SRL: variants seen among roughly 807,000 people sequenced by gnomAD.
SRL encodes sarcalumenin.
SRL carries 23 observed loss-of-function variants against 39.5 expected under a neutral mutation model. The observed-to-expected ratio is 0.58, with a 90% CI of 0.42 to 0.82. The LOEUF is 0.82. Ranked by LOEUF, SRL falls within the 40% of genes least tolerant of loss-of-function variation. The pLI, the probability that SRL is intolerant of heterozygous loss-of-function variation, is 0.00. For synonymous variants in SRL, 272 were observed against 237.4 expected (o/e 1.15, Z -1.34); for missense variants, 592 against 607.8 (o/e 0.97, Z 0.27).
chr16:4,240,649 T>C (rs573438040), intron 1 of SRL, among the ~76,000 whole-genome samples: 26 of 152,190 alleles, frequency 1.7e-4, no homozygotes, highest in African/African-American at 6.0e-4. Context: ...ACATTCCAGA[T>C]GACCAGTTCC....
intron 1 of SRL, among the ~76,000 whole-genome samples, chr16:4,236,904 T>C (rs934532839): frequency 2.1e-4 from 32 of 152,076 alleles, no homozygotes; most frequent in African/African-American, 7.5e-4. Flanking sequence ...CCTCCCAAAG[T>C]GCTGGAATTA....
intron 1 of SRL, among the ~76,000 whole-genome samples, chr16:4,231,084 A>G (rs11863320): frequency 0.91 from 138,910 of 152,214 alleles, 63,592 homozygotes; most frequent in East Asian, 1. Flanking sequence ...TTGGGAGGCC[A>G]AGGTAGGATC....
intron 1 of SRL, among the ~76,000 whole-genome samples, chr16:4,205,925 GAC>G (rs1197634890): frequency 6.7e-6 from 1 of 148,878 alleles, no homozygotes; most frequent in Non-Finnish European, 1.5e-5. Context: ...CAGCCTGGGT[GAC>G]AGAGTGAGAC....
intron 1 of SRL, among the ~76,000 whole-genome samples, chr16:4,216,183 A>G (rs1258054171): frequency 6.6e-6 from 1 of 152,214 alleles, no homozygotes; most frequent in Non-Finnish European, 1.5e-5. Flanking sequence ...GAAATCCCAC[A>G]ACCATCATAT....
chr16:4,200,001 C>G (rs2052205262), intron 3 of SRL, among the ~76,000 whole-genome samples: 1 of 151,934 alleles, frequency 6.6e-6, no homozygotes, highest in Non-Finnish European at 1.5e-5. Context: ...CCGGCCCCAT[C>G]TTTTTACAGA....
chr16:4,204,627 C>T lies in SRL; in HGVS notation c.69G>A (p.Thr23=), dbSNP rs369887184. 5.7e-5 allele frequency: 92 copies of T among 1,613,940 alleles called. No homozygotes were observed. The highest frequency in any genetic ancestry group is 7.1e-5 in the Non-Finnish European group (84 of 1,179,948). Residue 23 remains threonine (T), a synonymous_variant, in exon 2 of 6, where the codon ACG becomes ACA. Coordinates refer to ENST00000399609, the MANE Select transcript of SRL (RefSeq NM_001098814.2). ...ATGGGGCTTCTTCATTTGCATCCTC[C>T]GTCTCTTCTGTGGAGAGAAGCAGAC... ...SLLFSGQAEE[T]EDANEEAPLR... is the part of the protein sequence containing the mutation.
At chr16:4,208,329 A>G (rs546104716) in intron 1 of SRL, among the ~76,000 whole-genome samples, 1 of 152,230 alleles carries the variant, frequency 6.6e-6, no homozygotes, top group Admixed American at 6.5e-5. Context: ...TCAGGGAGTT[A>G]AAGGACTGAC....
intron 3 of SRL, among the ~76,000 whole-genome samples, chr16:4,200,267 T>A (rs913974848): frequency 6.6e-6 from 1 of 152,106 alleles, no homozygotes; most frequent in South Asian, 2.1e-4. Context: ...GTGGCAGGAA[T>A]CCCCAGTTAC....
intron 1 of SRL, among the ~76,000 whole-genome samples, chr16:4,229,908 G>A (rs959510855): frequency 1.6e-4 from 25 of 152,052 alleles, no homozygotes; most frequent in Non-Finnish European, 3.7e-4. Context: ...TGCGTGCTGG[G>A]GCCTCGTGCA....
intron 1 of SRL, among the ~76,000 whole-genome samples, chr16:4,211,872 T>C (rs575000216): frequency 6.6e-6 from 1 of 152,254 alleles, no homozygotes; most frequent in Admixed American, 6.5e-5. Context: ...ACGATGGTGA[T>C]GATGGTGAGA....
chr16:4,192,491 T>C lies in SRL; in HGVS notation c.1084A>G (p.Ser362Gly), dbSNP rs149860087. The change falls in exon 6 of 6, where the codon AGT becomes GGT. Residue 362 changes from serine to glycine, a missense_variant. By Grantham distance (56) the Ser-to-Gly change is moderately conservative (BLOSUM62 0). Transcript: ENST00000399609. This position sits in a 1 kb window ranked among gnomAD's most constrained non-coding sequence, Gnocchi z 4.0. ...TCCTTAAAGACCAGTTCTCCATCAC[T>C]GAAGAAGGTCATTTTGTCCTTGTAA... ...QTYKDKMTFFSDGELVFKDIV... is the reference protein window; with the variant it reads ...QTYKDKMTFFGDGELVFKDIV... The C allele has an allele frequency of 6.2e-7, 1 of 1,614,214 alleles. No homozygotes were observed. Among genetic ancestry groups the C allele is most frequent in the East Asian group, 2.2e-5 (1 of 44,888 alleles).
intron 1 of SRL, among the ~76,000 whole-genome samples, chr16:4,237,556 T>C (rs758993438): frequency 6.6e-6 from 1 of 152,176 alleles, no homozygotes; most frequent in Non-Finnish European, 1.5e-5. Flanking sequence ...AGTGACCCGC[T>C]GCCCACAGAG....
chr16:4,211,823 A>C (rs1362053244), intron 1 of SRL, among the ~76,000 whole-genome samples: 1 of 151,670 alleles, frequency 6.6e-6, no homozygotes, highest in Admixed American at 6.6e-5. Flanking sequence ...GATGGCAGCA[A>C]TGGTGGTGAT....
rs551391113 is a variant in SRL at position 4,201,845 on chromosome 16, G to A, written c.259+1321C>T. On this transcript the variant is annotated intron_variant, in intron 3 of 5. Coordinates refer to ENST00000399609, the MANE Select transcript of SRL (RefSeq NM_001098814.2). ...TAATTTTTGTATTTTTAATAGAAAC[G>A]GGGTTTCACCATGTTGGCTGGGCTG... Among the ~76,000 whole-genome samples the A allele has an allele frequency of 3.1e-4, 29 of 93,032 alleles. 4 individuals are homozygous for A. Among genetic ancestry groups the A allele is most frequent in the African/African-American group, 1.4e-3 (23 of 16,492 alleles). 61.0% of individuals were successfully genotyped at this position (93,032 alleles called of 152,430 possible).
intron 2 of SRL, among the ~76,000 whole-genome samples, chr16:4,204,084 C>T (rs1223364981): frequency 2.0e-5 from 3 of 152,224 alleles, no homozygotes; most frequent in African/African-American, 4.8e-5. Context: ...AGGAGCAAAT[C>T]GCTGCTAGCC....
intron 1 of SRL, among the ~76,000 whole-genome samples, chr16:4,219,680 C>G (rs1449349380): frequency 6.6e-6 from 1 of 152,110 alleles, no homozygotes; most frequent in Admixed American, 6.5e-5. Flanking sequence ...AGGCTGGTCT[C>G]AAACTCCTGC....
At position 4,242,036 on chromosome 16, in the gene SRL, AGG is replaced by A; in HGVS notation, c.30_31del (p.Leu11GlyfsTer17). ...TTGTCCTGAGAACAGGAGCGAGGCCAGGAGGCAGCCGAGCAGGACCAGCGCCC... is the reference window on the plus strand; with the variant it reads ...TTGTCCTGAGAACAGGAGCGAGGCCAAGGCAGCCGAGCAGGACCAGCGCCC... On this transcript the variant is annotated frameshift_variant, in exon 1 of 6. Transcript: ENST00000399609. LOFTEE classifies it high-confidence loss of function. The A allele has an allele frequency of 1.2e-6, 2 of 1,613,370 alleles. No individual in the cohort carries two copies. Among genetic ancestry groups the A allele is most frequent in the Non-Finnish European group, 1.7e-6 (2 of 1,179,888 alleles).
chr16:4,196,506 G>C (rs75834100), intron 4 of SRL, among the ~76,000 whole-genome samples: 2 of 136,974 alleles, frequency 1.5e-5, no homozygotes, highest in African/African-American at 5.5e-5. Context: ...TTTTGGAGCA[G>C]AGTCTCACTC....
chr16:4,193,638 G>A (rs564466269), intron 5 of SRL, among the ~76,000 whole-genome samples: 1 of 152,272 alleles, frequency 6.6e-6, no homozygotes, highest in South Asian at 2.1e-4. Context: ...CATCTGAACT[G>A]ATATAAAGAT....
Sources: gnomAD v4.1 joint callset for allele counts (sites outside exome capture counted in the v4.1 genomes callset) on GRCh38, gnomAD v4.1.1 for gene constraint, Gnocchi (gnomAD v3.1) non-coding constraint, MANE v1.5 for transcripts, NCBI Gene and HGNC (gene_info 2026-07-23, HGNC 2026-07-21) for gene names.